LMBR1: variants seen among roughly 807,000 people sequenced by gnomAD.
LMBR1 encodes the protein limb development membrane protein 1.
A neutral mutation model predicts 73.9 loss-of-function variants in LMBR1; 52 were observed. The observed-to-expected ratio is 0.70, with a 90% CI of 0.56 to 0.89. The LOEUF is 0.89. Ranked by LOEUF, LMBR1 falls within the 40% of genes least tolerant of loss-of-function variation. The pLI is 0.00. For missense variants in LMBR1, 539 were observed against 579.8 expected (o/e 0.93, Z 0.72); for synonymous variants, 215 against 209.4 (o/e 1.03, Z -0.23).
At chr7:156,874,123 T>C (rs954656649) in intron 1 of LMBR1, among the ~76,000 whole-genome samples, 2 of 152,178 alleles carry the variant, frequency 1.3e-5, no homozygotes, top group Non-Finnish European at 2.9e-5. Context: ...TCAGGCATGG[T>C]GGGCTGCAGG....
chr7:156,834,998 G>T (rs1190090217), intron 2 of LMBR1, among the ~76,000 whole-genome samples: 1 of 151,498 alleles, frequency 6.6e-6, no homozygotes, highest in African/African-American at 2.4e-5. Flanking sequence ...AAATTAGCCA[G>T]GTGCGGTGGC....
At chr7:156,700,227 T>C (rs1338011219) in intron 15 of LMBR1, among the ~76,000 whole-genome samples, 1 of 152,034 alleles carries the variant, frequency 6.6e-6, no homozygotes, top group African/African-American at 2.4e-5. Flanking sequence ...AAATGATGAG[T>C]TCATGTCCTT....
intron 9 of LMBR1, 114 bp downstream of exon 9, chr7:156,756,279 C>G (rs1016406770): frequency 2.6e-5 from 16 of 620,522 alleles, no homozygotes; most frequent in Non-Finnish European, 4.3e-5. Flanking sequence ...AAGTGTTCTC[C>G]TCTTGTAGCA....
chr7:156,719,334 G>A (rs145702230), intron 15 of LMBR1, among the ~76,000 whole-genome samples: 4,873 of 152,166 alleles, frequency 0.032, 122 homozygotes, highest in South Asian at 0.084. Context: ...TGGCTGCATA[G>A]TATTCCATGG....
rs564051487 is a variant in LMBR1 at position 156,774,632 on chromosome 7, G to C, written c.424-10837C>G. ...AGATCATCTGAGGTCAGGAGTTCAAGACCAACCTGGCTAACATGGTGAAAC... is the reference window on the plus strand; with the variant it reads ...AGATCATCTGAGGTCAGGAGTTCAACACCAACCTGGCTAACATGGTGAAAC... On this transcript the variant is annotated intron_variant, in intron 5 of 16. Transcript: ENST00000353442. Among the ~76,000 whole-genome samples the C allele has an allele frequency of 1.9e-4, 29 of 152,274 alleles. No individual in the cohort carries two copies. The South Asian group carries it at 5.2e-3, about 27-fold the overall frequency.
intron 15 of LMBR1, among the ~76,000 whole-genome samples, chr7:156,688,646 CCT>C (rs1051732945): frequency 3.3e-5 from 5 of 152,130 alleles, no homozygotes; most frequent in African/African-American, 1.2e-4. Context: ...CTGCCCGTCC[CCT>C]CTCTTTAGTC....
chr7:156,704,394 A>G (rs1810457477), intron 15 of LMBR1, among the ~76,000 whole-genome samples: 1 of 152,196 alleles, frequency 6.6e-6, no homozygotes, highest in Non-Finnish European at 1.5e-5. Context: ...CCTGAAACAA[A>G]GCCAAACAGC....
intron 5 of LMBR1, among the ~76,000 whole-genome samples, chr7:156,794,146 G>T (rs991031264): frequency 6.6e-6 from 1 of 152,168 alleles, no homozygotes; most frequent in African/African-American, 2.4e-5. Context: ...TGGATTCATA[G>T]TTGCCTGTAT....
chr7:156,882,989 CT>C (rs572082629), intron 1 of LMBR1, among the ~76,000 whole-genome samples: 28 of 151,402 alleles, frequency 1.8e-4, no homozygotes, highest in Non-Finnish European at 3.5e-4. Flanking sequence ...CGAGATCACG[CT>C]ATTGCACTCT....
chr7:156,711,917 A>C (rs546022334), intron 15 of LMBR1, among the ~76,000 whole-genome samples: 20 of 152,322 alleles, frequency 1.3e-4, no homozygotes, highest in Middle Eastern at 3.4e-3. Flanking sequence ...AACCTAGGAA[A>C]ACTCTTCTGG....
At chr7:156,781,206 TAAA>T (rs1827076220) in intron 5 of LMBR1, among the ~76,000 whole-genome samples, 1 of 152,202 alleles carries the variant, frequency 6.6e-6, no homozygotes, top group African/African-American at 2.4e-5. Context: ...TAAAATATAA[TAAA>T]AAGCAATGCC....
chr7:156,816,150 C>G (rs150710591), intron 4 of LMBR1, among the ~76,000 whole-genome samples: 78 of 152,144 alleles, frequency 5.1e-4, no homozygotes, highest in African/African-American at 1.8e-3. Context: ...TTTATTAAAA[C>G]AAAGATAGTT....
At chr7:156,844,791 G>C (rs75536431) in intron 1 of LMBR1, among the ~76,000 whole-genome samples, 3,933 of 152,268 alleles carry the variant, frequency 0.026, 184 homozygotes, top group African/African-American at 0.09. Flanking sequence ...AGGCAACGCA[G>C]CCCTGGAAGA....
intron 4 of LMBR1, among the ~76,000 whole-genome samples, chr7:156,810,151 G>C (rs879837231): frequency 1.3e-5 from 2 of 152,160 alleles, no homozygotes; most frequent in African/African-American, 2.4e-5. Context: ...GCTGTGAGGA[G>C]GGCCTCAAGC....
intron 1 of LMBR1, among the ~76,000 whole-genome samples, chr7:156,873,068 C>T (rs571986080): frequency 4.6e-5 from 7 of 151,796 alleles, no homozygotes; most frequent in South Asian, 2.1e-4. Flanking sequence ...AAAATGTGTC[C>T]GGAATTAGTG....
At chr7:156,687,326 A>T (rs897348110) in intron 16 of LMBR1, among the ~76,000 whole-genome samples, 4 of 152,216 alleles carry the variant, frequency 2.6e-5, no homozygotes, top group Non-Finnish European at 4.4e-5. Context: ...TCATAAAATT[A>T]CAACCCCCTC....
At chr7:156,859,078 A>C (rs1203956787) in intron 1 of LMBR1, among the ~76,000 whole-genome samples, 1 of 151,972 alleles carries the variant, frequency 6.6e-6, no homozygotes, top group African/African-American at 2.4e-5. Context: ...ACATAAAGAA[A>C]CTCTGTCTCT....
Position 156,684,124 on chromosome 7 carries a change from G to A in LMBR1, c.1427C>T (p.Ser476Leu), listed in dbSNP as rs749544877. Residue 476 changes from serine (S) to leucine (L), a missense_variant, in exon 17 of 17, where the codon TCA becomes TTA. By Grantham distance (145) the Ser-to-Leu change is moderately radical. Transcript: ENST00000353442. ...ATTTACAGAAGGCTTGGCTGTTTCT[G>A]AATCCCTTGAAGTATTTGGTAAGTG... ...KLHLPNTSRD[S>L]ETAKPSVNGH... is the part of the protein sequence containing the mutation. 8 of 1,614,118 alleles carry A rather than the reference G, an allele frequency of 5.0e-6. No homozygotes were observed. The highest frequency in any genetic ancestry group is 6.8e-6 in the Non-Finnish European group (8 of 1,180,004).
chr7:156,806,255 G>A (rs1162700054), intron 4 of LMBR1, among the ~76,000 whole-genome samples: 1 of 152,002 alleles, frequency 6.6e-6, no homozygotes, highest in Non-Finnish European at 1.5e-5. Flanking sequence ...AAGTGATATT[G>A]GGTTGTAAAT....
Sources: allele counts gnomAD v4.1 joint callset (sites outside exome capture counted in the v4.1 genomes callset), GRCh38; gene constraint gnomAD v4.1.1; transcripts MANE v1.5; gene names NCBI Gene and HGNC (gene_info 2026-07-23, HGNC 2026-07-21).